The following MLANA variants were observed in gnomAD, a reference collection of about 807,000 sequenced individuals.
MLANA encodes melanoma antigen recognized by T-cells 1.
A neutral mutation model predicts 15.7 loss-of-function variants in MLANA; 21 were observed. The ratio of observed to expected loss-of-function variants is 1.33; its 90% CI spans 0.95 to 1.92. The LOEUF (loss-of-function observed/expected upper bound fraction) is 1.92. Ranked by LOEUF, MLANA falls within the 40% of genes most tolerant of loss-of-function variation. The pLI is 0.00. For missense variants in MLANA, 164 were observed against 143.8 expected (o/e 1.14, Z -0.72); for synonymous variants, 56 against 51.5 (o/e 1.09, Z -0.37).
intron 1 of MLANA, chr9:5,891,410 A>G (rs979010235): frequency 3.3e-5 from 5 of 152,144 alleles, no homozygotes; most frequent in African/African-American, 1.2e-4. Context: ...GGTGAGTTTG[A>G]CTTTCATTTC....
At chr9:5,893,384 C>T (rs978668267) in intron 2 of MLANA, among the ~76,000 whole-genome samples, 5 of 152,314 alleles carry the variant, frequency 3.3e-5, no homozygotes, top group Non-Finnish European at 5.9e-5. Flanking sequence ...CCCTGTGAAC[C>T]TGCTCTTTCT....
intron 1 of MLANA, chr9:5,891,277 C>T (rs1452692227): frequency 6.6e-6 from 1 of 152,180 alleles, no homozygotes; most frequent in African/African-American, 2.4e-5. Context: ...TGTTGCTGCA[C>T]CATTTGCCAA....
At chr9:5,907,318 T>C (rs1015978658) in intron 4 of MLANA, 1 of 171,142 alleles carries the variant, frequency 5.8e-6, no homozygotes, top group African/African-American at 2.4e-5. Flanking sequence ...TATTCTTTTA[T>C]GTTTTTAGTT....
Position 5,894,343 on chromosome 9 carries a change from A to G in MLANA, c.77+1792A>G, listed in dbSNP as rs775562221. ...GAGACTTTAATATAAGAAGCTGGTT[A>G]AACAGGCATGGGACTGAGACTGAGG... On this transcript the variant is annotated intron_variant, in intron 2 of 4. Transcript: ENST00000381477. The surrounding 1 kb of genome is among the most constrained non-coding windows in gnomAD (Gnocchi z 4.0). Among the ~76,000 whole-genome samples, 1 of 152,164 alleles carries G rather than the reference A, an allele frequency of 6.6e-6. No individual in the cohort carries two copies. The highest frequency in any genetic ancestry group is 1.5e-5 in the Non-Finnish European group (1 of 68,036).
At chr9:5,905,793 A>G (rs1832765584) in intron 3 of MLANA, among the ~76,000 whole-genome samples, 1 of 152,188 alleles carries the variant, frequency 6.6e-6, no homozygotes, top group Admixed American at 6.5e-5. Context: ...TGTCTTCCTG[A>G]AACATATAAA....
At chr9:5,903,863 C>CTTTTTT (rs770865430) in intron 3 of MLANA, among the ~76,000 whole-genome samples, 1 of 147,046 alleles carries the variant, frequency 6.8e-6, no homozygotes, top group Non-Finnish European at 1.5e-5. Context: ...TATGCACTTA[C>CTTTTTT]TTTTTTTTTT....
intron 2 of MLANA, among the ~76,000 whole-genome samples, chr9:5,897,124 T>C (rs1393946043): frequency 6.6e-6 from 1 of 152,246 alleles, no homozygotes; most frequent in Admixed American, 6.5e-5. Context: ...CTAATGAATG[T>C]TTAGCACAGC....
intron 3 of MLANA, among the ~76,000 whole-genome samples, chr9:5,900,283 G>C (rs1224288221): frequency 6.6e-6 from 1 of 152,128 alleles, no homozygotes; most frequent in Admixed American, 6.5e-5. Flanking sequence ...CATTCCTCTA[G>C]GATTAGATCA....
At chr9:5,891,124 C>CTA (rs1480596376) in intron 1 of MLANA, 188 bp downstream of exon 1, 1 of 152,232 alleles carries the variant, frequency 6.6e-6, no homozygotes, top group Non-Finnish European at 1.5e-5. Context: ...AATCCTCTCT[C>CTA]AGTCCTCCAA....
rs2233178 is a variant in MLANA, at chr9:5,892,525, C to T, written c.51C>T (p.His17=). Residue 17 remains histidine, a synonymous_variant, in exon 2 of 5, where the codon CAC becomes CAT. Coordinates refer to ENST00000381477, the MANE Select transcript of MLANA (RefSeq NM_005511.2). Reference sequence around the variant, plus strand: ...TCTATGGTTACCCCAAGAAGGGGCACGGCCACTCTTACACCACGGCTGAAG... The same window carrying T: ...TCTATGGTTACCCCAAGAAGGGGCATGGCCACTCTTACACCACGGCTGAAG... ...HFIYGYPKKG[H]GHSYTTAEEA... is the part of the protein sequence containing the mutation. 0.061 allele frequency: 98,700 copies of T among 1,612,726 alleles called. 6,692 individuals carry two copies. The highest frequency in any genetic ancestry group is 0.32 in the African/African-American group (24,157 of 74,850).
chr9:5,896,590 A>G (rs1376436607), intron 2 of MLANA, among the ~76,000 whole-genome samples: 1 of 152,222 alleles, frequency 6.6e-6, no homozygotes, highest in Non-Finnish European at 1.5e-5. Flanking sequence ...TAAGTCACTC[A>G]GCTCTGCAGA....
intron 4 of MLANA, among the ~76,000 whole-genome samples, chr9:5,908,143 C>G (rs140772718): frequency 2.4e-4 from 37 of 152,260 alleles, no homozygotes; most frequent in Admixed American, 5.9e-4. Flanking sequence ...CCTCTCTGTG[C>G]CCCAGTTTCC....
Position 5,908,891 on chromosome 9 carries a change from T to C in MLANA, c.*183T>C, listed in dbSNP as rs1052808374. 3.8e-5 allele frequency: 22 copies of C among 573,206 alleles called. No homozygotes were observed. Among genetic ancestry groups the C allele is most frequent in the Non-Finnish European group, 6.2e-5 (20 of 324,194 alleles). The allele number at this position is 573,206 out of a possible 1,614,324, so 35.5% of individuals were successfully genotyped here. A position where few individuals can be genotyped will look rare whatever the true frequency, so the allele number is the denominator to read the frequency against. On this transcript the variant is annotated 3_prime_UTR_variant, in exon 5 of 5. Coordinates refer to ENST00000381477, the MANE Select transcript of MLANA (RefSeq NM_005511.2). ...CAGTACTAATCATGTGAGGAAATGA[T>C]GAGAAATATTAAATTGGGAAAACTC...
chr9:5,897,134 C>T (rs1832081022), intron 2 of MLANA, among the ~76,000 whole-genome samples: 1 of 152,214 alleles, frequency 6.6e-6, no homozygotes, highest in African/African-American at 2.4e-5. Context: ...TTTAGCACAG[C>T]ACCTGGCTTT....
At position 5,908,881 on chromosome 9, in the gene MLANA, G is replaced by C; in HGVS notation, c.*173G>C. 1.7e-6 allele frequency: 1 copy of C among 584,696 alleles called. No homozygotes were observed. The highest frequency in any genetic ancestry group is 3.0e-6 in the Non-Finnish European group (1 of 330,116). 36.2% of individuals were successfully genotyped at this position (584,696 alleles called of 1,614,324 possible). ...GGTCCGCTAGCAGTACTAATCATGT[G>C]AGGAAATGATGAGAAATATTAAATT... On this transcript the variant is annotated 3_prime_UTR_variant, in exon 5 of 5. Transcript: ENST00000381477.
At chr9:5,903,457 C>T (rs1243822819) in intron 3 of MLANA, among the ~76,000 whole-genome samples, 1 of 152,060 alleles carries the variant, frequency 6.6e-6, no homozygotes, top group Non-Finnish European at 1.5e-5. Context: ...TGAGAGATAA[C>T]GAATTGTCAT....
At chr9:5,904,956 G>A (rs1832703681) in intron 3 of MLANA, among the ~76,000 whole-genome samples, 1 of 151,850 alleles carries the variant, frequency 6.6e-6, no homozygotes. Context: ...TGTATTTATA[G>A]TAGAGATGTC....
At chr9:5,905,791 T>A (rs1832765313) in intron 3 of MLANA, among the ~76,000 whole-genome samples, 1 of 152,200 alleles carries the variant, frequency 6.6e-6, no homozygotes, top group South Asian at 2.1e-4. Flanking sequence ...CCTGTCTTCC[T>A]GAAACATATA....
chr9:5,900,077 A>G (rs999781548), intron 3 of MLANA, among the ~76,000 whole-genome samples: 1 of 152,220 alleles, frequency 6.6e-6, no homozygotes, highest in African/African-American at 2.4e-5. Context: ...TACAAACTCA[A>G]TATGTTGGTA....
Sources: gnomAD v4.1 joint callset for allele counts (sites outside exome capture counted in the v4.1 genomes callset) on GRCh38, gnomAD v4.1.1 for gene constraint, Gnocchi (gnomAD v3.1) non-coding constraint, MANE v1.5 for transcripts, NCBI Gene and HGNC (gene_info 2026-07-23, HGNC 2026-07-21) for gene names.